Variants in CCDC148 observed in about 807,000 individuals in gnomAD.
CCDC148 encodes the protein coiled-coil domain-containing protein 148.
A neutral mutation model predicts 85.7 loss-of-function variants in CCDC148; 89 were observed. The observed-to-expected ratio is 1.04, with a 90% CI of 0.87 to 1.24. The LOEUF (loss-of-function observed/expected upper bound fraction) is 1.24. CCDC148 is among the 50% of genes most tolerant of loss of function. The probability of loss-of-function intolerance (pLI) is 0.00; values close to 1 mark genes in which losing one functional copy is unlikely to be tolerated. For synonymous variants in CCDC148, 230 were observed against 213.9 expected, an observed-to-expected ratio of 1.08 and a Z score of -0.66; for missense variants, 692 against 671.7, an observed-to-expected ratio of 1.03 and a Z score of -0.33.
At chr2:158,260,254 CA>C (rs1207721605) in intron 9 of CCDC148, among the ~76,000 whole-genome samples, 2 of 151,962 alleles carry the variant, frequency 1.3e-5, no homozygotes, top group Non-Finnish European at 2.9e-5. Context: ...GAACTAAAGA[CA>C]AAAACCACAT....
rs146577435 is a variant in CCDC148, at chr2:158,293,467, G to A, written c.1110+15966C>T. Among the ~76,000 whole-genome samples the A allele has an allele frequency of 3.2e-4, 49 of 152,194 alleles. No homozygotes were observed. The East Asian group carries it at 6.8e-3, about 21-fold the overall frequency. On this transcript the variant is annotated intron_variant, in intron 9 of 13. Coordinates refer to ENST00000283233, the MANE Select transcript of CCDC148 (RefSeq NM_138803.4). ...CATTTATTTATTCCACAAATATTTGGCAATCACATAGCAAGTGCAGGTAGG... is the reference window on the plus strand; with the variant it reads ...CATTTATTTATTCCACAAATATTTGACAATCACATAGCAAGTGCAGGTAGG...
At chr2:158,221,009 A>G (rs921727200) in intron 10 of CCDC148, among the ~76,000 whole-genome samples, 4 of 152,242 alleles carry the variant, frequency 2.6e-5, no homozygotes, top group African/African-American at 4.8e-5. Context: ...CCAGAGAACC[A>G]CAATAAAAGT....
intron 9 of CCDC148, among the ~76,000 whole-genome samples, chr2:158,280,536 A>G (rs913988283): frequency 6.6e-6 from 1 of 152,156 alleles, no homozygotes; most frequent in Admixed American, 6.6e-5. Context: ...AAGAAGGCCA[A>G]TACATAATGG....
intron 9 of CCDC148, among the ~76,000 whole-genome samples, chr2:158,274,404 C>T (rs1373655548): frequency 2.0e-5 from 3 of 152,148 alleles, no homozygotes; most frequent in African/African-American, 4.8e-5. Context: ...CTAGATCCAT[C>T]GACACCTGCA....
At chr2:158,173,941 C>T (rs571793716) in intron 13 of CCDC148, among the ~76,000 whole-genome samples, 3 of 151,998 alleles carry the variant, frequency 2.0e-5, no homozygotes, top group East Asian at 1.9e-4. Flanking sequence ...TCCCCTCTAC[C>T]GGAACTTCCA....
At chr2:158,319,210 C>T (rs1692416254) in intron 7 of CCDC148, among the ~76,000 whole-genome samples, 2 of 152,196 alleles carry the variant, frequency 1.3e-5, no homozygotes, top group Admixed American at 1.3e-4. Context: ...CACCAGAATG[C>T]TGACTTTATT....
At chr2:158,404,829 T>C (rs2543643) in intron 1 of CCDC148, among the ~76,000 whole-genome samples, 25,978 of 152,126 alleles carry the variant, frequency 0.17, 2,369 homozygotes, top group Middle Eastern at 0.2. Flanking sequence ...AGCACTGTGT[T>C]TCCAGCAAAT....
intron 9 of CCDC148, among the ~76,000 whole-genome samples, chr2:158,305,841 C>T (rs1011495224): frequency 6.7e-6 from 1 of 149,998 alleles, no homozygotes; most frequent in South Asian, 2.1e-4. Context: ...CCACTATAAG[C>T]AAGGCAACAT....
intron 1 of CCDC148, among the ~76,000 whole-genome samples, chr2:158,441,334 A>C (rs1254066493): frequency 6.6e-6 from 1 of 152,206 alleles, no homozygotes; most frequent in Non-Finnish European, 1.5e-5. Flanking sequence ...ACCCTAAATG[A>C]AAAATATGCA....
intron 9 of CCDC148, among the ~76,000 whole-genome samples, chr2:158,294,902 T>C (rs1241232979): frequency 6.6e-6 from 1 of 151,702 alleles, no homozygotes; most frequent in African/African-American, 2.4e-5. Context: ...TAGCACTGTA[T>C]GAGAATTCCA....
intron 7 of CCDC148, among the ~76,000 whole-genome samples, chr2:158,334,287 T>C (rs1693307702): frequency 6.6e-6 from 1 of 152,190 alleles, no homozygotes; most frequent in Non-Finnish European, 1.5e-5. Flanking sequence ...ATTCTTTGTA[T>C]CTTTCTGTCT....
chr2:158,431,088 G>C (rs1339388108), intron 1 of CCDC148, among the ~76,000 whole-genome samples: 1 of 151,604 alleles, frequency 6.6e-6, no homozygotes, highest in Non-Finnish European at 1.5e-5. Context: ...TGATATATCA[G>C]ATAATACCAA....
rs1481643334 is a variant in CCDC148 at position 158,227,043 on chromosome 2, A to G, written c.1252-6330T>C. On this transcript the variant is annotated intron_variant, in intron 10 of 13. Transcript: ENST00000283233. ...CCCTGTTTGCAGATGACATGATTGT[A>G]TATCTAGAAAACCCCATCGTCTCAG... Among the ~76,000 whole-genome samples the G allele has an allele frequency of 1.1e-4, 16 of 150,196 alleles. No homozygotes were observed. The East Asian group carries it at 2.1e-3, about 20-fold the overall frequency.
intron 1 of CCDC148, among the ~76,000 whole-genome samples, chr2:158,397,567 C>T (rs1337323542): frequency 1.3e-5 from 2 of 152,112 alleles, no homozygotes; most frequent in East Asian, 3.9e-4. Flanking sequence ...CCTTTATATA[C>T]CAGCAAATGC....
chr2:158,452,572 GA>G (rs1688448598), intron 1 of CCDC148, among the ~76,000 whole-genome samples: 1 of 152,156 alleles, frequency 6.6e-6, no homozygotes, highest in Admixed American at 6.5e-5. Context: ...TAGGAACCCA[GA>G]AAACATCAGG....
chr2:158,378,376 C>T (rs1247756081), intron 1 of CCDC148, among the ~76,000 whole-genome samples: 2 of 152,062 alleles, frequency 1.3e-5, no homozygotes, highest in Non-Finnish European at 2.9e-5. Context: ...GAAGTTGGCT[C>T]ATAAGGTTTA....
chr2:158,417,159 T>C (rs1166983104), intron 1 of CCDC148, among the ~76,000 whole-genome samples: 3 of 152,240 alleles, frequency 2.0e-5, no homozygotes, highest in Non-Finnish European at 2.9e-5. Flanking sequence ...GGGATTACAA[T>C]TCAACATGAG....
intron 1 of CCDC148, among the ~76,000 whole-genome samples, chr2:158,398,353 C>A (rs1470444595): frequency 2.0e-5 from 3 of 152,128 alleles, no homozygotes; most frequent in Non-Finnish European, 4.4e-5. Context: ...CACACTTATT[C>A]TAAAATTGAC....
intron 11 of CCDC148, among the ~76,000 whole-genome samples, chr2:158,216,603 A>T (rs932912444): frequency 2.0e-5 from 3 of 151,998 alleles, no homozygotes; most frequent in African/African-American, 7.3e-5. Context: ...CCATTGTATT[A>T]GTTAGCTTGG....
Sources: gnomAD v4.1 joint callset for allele counts (sites outside exome capture counted in the v4.1 genomes callset) on GRCh38, gnomAD v4.1.1 for gene constraint, MANE v1.5 for transcripts, NCBI Gene and HGNC (gene_info 2026-07-23, HGNC 2026-07-21) for gene names.